The following THSD7B variants were observed in gnomAD, a reference collection of about 807,000 sequenced individuals.
THSD7B encodes thrombospondin type 1 domain containing 7B.
THSD7B carries 138 observed loss-of-function variants against 213.6 expected under a neutral mutation model. That is an observed-to-expected ratio of 0.65 (90% CI 0.56 to 0.74). The LOEUF (loss-of-function observed/expected upper bound fraction) is 0.74, where lower values mean the gene tolerates loss of function less well. Among genes scored for constraint, THSD7B ranks in the 30% least tolerant of loss-of-function variants. The probability of loss-of-function intolerance (pLI) is 0.00; values close to 1 mark genes in which losing one functional copy is unlikely to be tolerated. For missense variants in THSD7B, 1,931 were observed against 1,991.5 expected (o/e 0.97, Z 0.58); for synonymous variants, 742 against 687.0 (o/e 1.08, Z -1.25).
chr2:137,423,005 C>T (rs996806336), intron 14 of THSD7B, among the ~76,000 whole-genome samples: 7 of 152,136 alleles, frequency 4.6e-5, no homozygotes, highest in South Asian at 2.1e-4. Flanking sequence ...ATGAAATCCA[C>T]GTACAACTTT....
At chr2:137,580,572 C>T (rs1681553027) in intron 17 of THSD7B, among the ~76,000 whole-genome samples, 1 of 152,138 alleles carries the variant, frequency 6.6e-6, no homozygotes, top group African/African-American at 2.4e-5. Flanking sequence ...TTAGGAAGAA[C>T]TTTCTAAATA....
intron 7 of THSD7B, among the ~76,000 whole-genome samples, chr2:137,183,718 C>A (rs568102708): frequency 6.6e-6 from 1 of 151,788 alleles, no homozygotes; most frequent in Admixed American, 6.6e-5. Context: ...TGGGATGGGC[C>A]GTAATTATAC....
At chr2:136,954,663 G>A (rs1342029084) in intron 2 of THSD7B, among the ~76,000 whole-genome samples, 1 of 138,450 alleles carries the variant, frequency 7.2e-6, no homozygotes, top group Admixed American at 8.0e-5. Flanking sequence ...ACTGCAGTAA[G>A]CCAAGATGGC....
rs947579525 is a variant in THSD7B, at chr2:137,397,066, G to A, written c.2501-8547G>A. On this transcript the variant is annotated intron_variant, in intron 12 of 27. Coordinates refer to ENST00000409968, the MANE Select transcript of THSD7B (RefSeq NM_001316349.2). ...TTTGAGCCTATGTGTGTCTCTGCAC[G>A]TGAGATGGGTTTCCTGAATAGAGCA... Among the ~76,000 whole-genome samples the A allele has an allele frequency of 2.3e-4, 34 of 146,948 alleles. 1 individual carries two copies. The highest frequency in any genetic ancestry group is 5.3e-4 in the African/African-American group (21 of 39,806).
At chr2:137,504,031 A>T (rs1002951882) in intron 15 of THSD7B, among the ~76,000 whole-genome samples, 19 of 150,082 alleles carry the variant, frequency 1.3e-4, no homozygotes, top group Non-Finnish European at 2.7e-4. Context: ...ATCTCAAAAA[A>T]AAAAAGAAAA....
intron 1 of THSD7B, among the ~76,000 whole-genome samples, chr2:136,841,757 C>G (rs1431323685): frequency 6.6e-6 from 1 of 152,032 alleles, no homozygotes; most frequent in Admixed American, 6.6e-5. Flanking sequence ...TTTGAGACAC[C>G]TACAAGAATA....
intron 15 of THSD7B, among the ~76,000 whole-genome samples, chr2:137,534,420 A>G (rs1240003341): frequency 6.7e-6 from 1 of 148,608 alleles, no homozygotes; most frequent in East Asian, 1.9e-4. Context: ...AGGACAGTGA[A>G]TATATATATT....
At chr2:136,929,488 T>C (rs1331410445) in intron 2 of THSD7B, among the ~76,000 whole-genome samples, 1 of 152,194 alleles carries the variant, frequency 6.6e-6, no homozygotes, top group African/African-American at 2.4e-5. Context: ...GTCATCTTAG[T>C]AGGTTTTAGG....
intron 17 of THSD7B, among the ~76,000 whole-genome samples, chr2:137,581,133 A>G (rs2105245658): frequency 6.6e-6 from 1 of 152,318 alleles, no homozygotes; most frequent in African/African-American, 2.4e-5. Flanking sequence ...GTATGTATAT[A>G]TACAATATAT....
At chr2:137,459,144 G>C (rs1369960489) in intron 15 of THSD7B, among the ~76,000 whole-genome samples, 1 of 151,658 alleles carries the variant, frequency 6.6e-6, no homozygotes, top group Non-Finnish European at 1.5e-5. Flanking sequence ...CAAACCGATG[G>C]GAGTACAGTA....
At chr2:136,772,192 G>C (rs1291442968) in intron 1 of THSD7B, among the ~76,000 whole-genome samples, 3 of 152,012 alleles carry the variant, frequency 2.0e-5, no homozygotes, top group Non-Finnish European at 4.4e-5. Context: ...CAAAGCCCGA[G>C]GTTTTACTCA....
chr2:137,518,286 C>T (rs1680112662), intron 15 of THSD7B, among the ~76,000 whole-genome samples: 1 of 152,142 alleles, frequency 6.6e-6, no homozygotes, highest in Non-Finnish European at 1.5e-5. Flanking sequence ...CGAAAGTGGA[C>T]AGCTGCAGCA....
chr2:137,213,412 TTAAC>T (rs940038538), intron 7 of THSD7B, among the ~76,000 whole-genome samples: 44 of 148,040 alleles, frequency 3.0e-4, no homozygotes, highest in Non-Finnish European at 3.4e-4. Context: ...AATATTAGTA[TTAAC>T]TAACCTACAT....
chr2:136,767,543 CTT>C (rs1392834467), intron 1 of THSD7B, among the ~76,000 whole-genome samples: 2 of 151,598 alleles, frequency 1.3e-5, no homozygotes, highest in East Asian at 1.9e-4. Flanking sequence ...GTTAGAAACT[CTT>C]TTTCATGCAA....
intron 2 of THSD7B, among the ~76,000 whole-genome samples, chr2:136,942,143 TA>T (rs1684838548): frequency 6.6e-6 from 1 of 152,292 alleles, no homozygotes; most frequent in Admixed American, 6.5e-5. Context: ...ATTTGTCAAA[TA>T]TCAGATGGCT....
intron 12 of THSD7B, among the ~76,000 whole-genome samples, chr2:137,385,289 T>C (rs577393099): frequency 1.3e-5 from 2 of 152,310 alleles, no homozygotes; most frequent in African/African-American, 4.8e-5. Flanking sequence ...TTAAGGAAGA[T>C]TGTATCAACC....
At chr2:137,345,277 A>G (rs1177548138) in intron 12 of THSD7B, among the ~76,000 whole-genome samples, 1 of 151,762 alleles carries the variant, frequency 6.6e-6, no homozygotes, top group Admixed American at 6.6e-5. Flanking sequence ...TCGAGGAAGT[A>G]CATTCAGAAT....
intron 17 of THSD7B, among the ~76,000 whole-genome samples, chr2:137,591,603 T>C (rs1404985157): frequency 6.6e-6 from 1 of 151,956 alleles, no homozygotes; most frequent in Admixed American, 6.6e-5. Context: ...AAAAAATTGG[T>C]TCCATGTATT....
chr2:137,426,536 A>G (rs1330998572), intron 14 of THSD7B, among the ~76,000 whole-genome samples: 2 of 152,194 alleles, frequency 1.3e-5, no homozygotes, highest in African/African-American at 4.8e-5. Flanking sequence ...TGCGCTAGTA[A>G]TCTTTGACAA....
Sources: allele counts gnomAD v4.1 joint callset (sites outside exome capture counted in the v4.1 genomes callset), GRCh38; gene constraint gnomAD v4.1.1; transcripts MANE v1.5; gene names NCBI Gene and HGNC (gene_info 2026-07-23, HGNC 2026-07-21).